The following TMC5 variants were observed in gnomAD, a reference collection of about 807,000 sequenced individuals.
TMC5 encodes transmembrane channel like 5.
Under a neutral mutation model 110.5 loss-of-function variants are expected in TMC5, and 86 were observed. The ratio of observed to expected loss-of-function variants is 0.78; its 90% CI spans 0.65 to 0.93. The LOEUF is 0.93. Among genes scored for constraint, TMC5 ranks in the 40% least tolerant of loss-of-function variants. TMC5 has a pLI of 0.00. For synonymous variants in TMC5, 455 were observed against 439.5 expected (o/e 1.04, Z -0.44); for missense variants, 1,144 against 1,222.8 (o/e 0.94, Z 0.96).
At chr16:19,420,154 T>G (rs2143347289) in intron 1 of TMC5, among the ~76,000 whole-genome samples, 1 of 152,076 alleles carries the variant, frequency 6.6e-6, no homozygotes. Flanking sequence ...AGGCCAGGTG[T>G]GGTGGGTCAC....
intron 8 of TMC5, 48 bp downstream of exon 8, chr16:19,464,072 A>G (rs540156575): frequency 6.3e-7 from 1 of 1,589,252 alleles, no homozygotes; most frequent in South Asian, 1.1e-5. Context: ...CACCTCGGAA[A>G]CCCAGGGACG....
intron 5 of TMC5, among the ~76,000 whole-genome samples, chr16:19,451,938 A>G (rs551313203): frequency 2.6e-5 from 4 of 152,242 alleles, no homozygotes; most frequent in African/African-American, 9.6e-5. Context: ...AGCTGGCATT[A>G]CAGGCATGCG....
In TMC5 at chr16:19,466,239, G is replaced by A; in HGVS notation, c.1637+6G>A. 6.2e-7 allele frequency: 1 copy of A among 1,613,250 alleles called. No individual in the cohort carries two copies. The highest frequency in any genetic ancestry group is 8.5e-7 in the Non-Finnish European group (1 of 1,179,746). On this transcript the variant is annotated splice_donor_region_variant and intron_variant, in intron 9 of 21. Transcript: ENST00000542583. ...TTCTTCAGTTTGCTGTTCAGGTATG[G>A]AAGCATCTACATTTCCTGATTCTGA...
intron 19 of TMC5, among the ~76,000 whole-genome samples, chr16:19,493,147 G>A (rs1279166621): frequency 6.6e-6 from 1 of 150,930 alleles, no homozygotes. Context: ...TTTTAGTAGA[G>A]ATGGGGTTTC....
intron 1 of TMC5, among the ~76,000 whole-genome samples, chr16:19,428,472 C>G (rs531903626): frequency 2.8e-4 from 42 of 152,244 alleles, no homozygotes; most frequent in African/African-American, 9.9e-4. Flanking sequence ...CCTCACTCAG[C>G]CCCAATTCTC....
intron 21 of TMC5, 109 bp from the exon 22 acceptor site, chr16:19,497,811 C>A: frequency 2.2e-6 from 2 of 927,550 alleles, no homozygotes; most frequent in Non-Finnish European, 3.3e-6. Context: ...AAGGAAGAGG[C>A]AAAGAAGGCA....
intron 11 of TMC5, 58 bp downstream of exon 11, chr16:19,472,301 G>A: frequency 6.3e-7 from 1 of 1,586,056 alleles, no homozygotes. Context: ...AGATGCTGGA[G>A]GGGAAGGGTG....
At chr16:19,476,210 G>C (rs1328538480) in intron 12 of TMC5, among the ~76,000 whole-genome samples, 4 of 152,048 alleles carry the variant, frequency 2.6e-5, no homozygotes, top group Non-Finnish European at 4.4e-5. Context: ...AGTCAGGCAT[G>C]GTGGATTGCA....
intron 2 of TMC5, among the ~76,000 whole-genome samples, chr16:19,438,521 TGGATCACCTGAGGTCA>T (rs1967408914): frequency 6.7e-6 from 1 of 148,694 alleles, no homozygotes; most frequent in Admixed American, 6.8e-5. Context: ...CCGAGACGGG[TGGATCACCTGAGGTCA>T]GGAGTTTGAG....
At chr16:19,455,562 C>T (rs1455345923) in intron 5 of TMC5, among the ~76,000 whole-genome samples, 1 of 152,194 alleles carries the variant, frequency 6.6e-6, no homozygotes, top group African/African-American at 2.4e-5. Context: ...CTCTACCATC[C>T]TTAGCAGGTG....
chr16:19,463,199 C>A, intron 6 of TMC5, 81 bp from the exon 7 acceptor site: 1 of 1,075,776 alleles, frequency 9.3e-7, no homozygotes, highest in Non-Finnish European at 1.4e-6. Flanking sequence ...GGATTACAGG[C>A]ATGAGCCACC....
rs1967442503 is a variant in TMC5 at position 19,439,967 on chromosome 16, A to C, written c.-72A>C. On this transcript the variant is annotated 5_prime_UTR_variant, in exon 3 of 22. Coordinates refer to ENST00000542583, the MANE Select transcript of TMC5 (RefSeq NM_001261841.2). ...TTTCTTCTTGTTTTTCAGGTGAAAA[A>C]AAAAAAAGATCCCTGAGTAATTGCA... 1 of 1,339,802 alleles carries C rather than the reference A, an allele frequency of 7.5e-7. No individual in the cohort carries two copies. The allele number at this position is 1,339,802 out of a possible 1,614,324, so 83.0% of individuals were successfully genotyped here.
chr16:19,441,751 T>G (rs951047384), intron 3 of TMC5, among the ~76,000 whole-genome samples: 19 of 152,216 alleles, frequency 1.2e-4, no homozygotes, highest in South Asian at 1.2e-3. Context: ...CCATTTTCAG[T>G]ATTCCTTTAA....
Position 19,498,077 on chromosome 16 carries a change from C to A in TMC5, c.*111C>A. The A allele has an allele frequency of 8.9e-7, 1 of 1,118,352 alleles. No individual in the cohort carries two copies. The highest frequency in any genetic ancestry group is 1.4e-6 in the Non-Finnish European group (1 of 740,670). 69.3% of individuals were successfully genotyped at this position (1,118,352 alleles called of 1,614,324 possible). ...GAACTGCCCAGAAGAAAATCCAAGG[C>A]TTTAGCCAGGAGCGGAAACTGACTA... On this transcript the variant is annotated 3_prime_UTR_variant, in exon 22 of 22. Coordinates refer to ENST00000542583, the MANE Select transcript of TMC5 (RefSeq NM_001261841.2).
chr16:19,473,904 G>C (rs929415959), intron 11 of TMC5, among the ~76,000 whole-genome samples: 1 of 151,998 alleles, frequency 6.6e-6, no homozygotes, highest in South Asian at 2.1e-4. Context: ...CACTTGAACC[G>C]AGGAAGTGGA....
intron 5 of TMC5, among the ~76,000 whole-genome samples, chr16:19,458,344 G>A (rs1007675664): frequency 1.3e-5 from 2 of 152,002 alleles, no homozygotes; most frequent in African/African-American, 4.8e-5. Context: ...CTAAGTAGCT[G>A]GGATTACAGG....
chr16:19,427,352 T>C (rs1451764912), intron 1 of TMC5, among the ~76,000 whole-genome samples: 2 of 152,150 alleles, frequency 1.3e-5, no homozygotes, highest in African/African-American at 2.4e-5. Flanking sequence ...CTCAAGAGGC[T>C]GAGACGCAGG....
chr16:19,471,243 A>T (rs1295115151), intron 10 of TMC5, among the ~76,000 whole-genome samples: 1 of 152,028 alleles, frequency 6.6e-6, no homozygotes, highest in African/African-American at 2.4e-5. Flanking sequence ...GGTGCACACC[A>T]CCATGCCCAA....
chr16:19,479,398 C>T, intron 13 of TMC5, 33 bp from the exon 14 acceptor site: 1 of 1,520,370 alleles, frequency 6.6e-7, no homozygotes, highest in Non-Finnish European at 9.1e-7. Context: ...GCCACAGCCC[C>T]TTCCCACATC....
Sources: allele counts gnomAD v4.1 joint callset (sites outside exome capture counted in the v4.1 genomes callset), GRCh38; gene constraint gnomAD v4.1.1; transcripts MANE v1.5; gene names NCBI Gene and HGNC (gene_info 2026-07-23, HGNC 2026-07-21).